GPBP1: variants seen among roughly 807,000 people sequenced by gnomAD.
The protein encoded by GPBP1 is vasculin.
A neutral mutation model predicts 56.5 loss-of-function variants in GPBP1; 13 were observed. That is an observed-to-expected ratio of 0.23 (90% confidence interval 0.15 to 0.37). GPBP1 has a LOEUF of 0.37. Ranked by LOEUF, GPBP1 falls within the 10% of genes least tolerant of loss-of-function variation. GPBP1 has a pLI of 1.00. For synonymous variants in GPBP1, 204 were observed against 188.9 expected, an observed-to-expected ratio of 1.08 and a Z score of -0.66; for missense variants, 477 against 572.3, an observed-to-expected ratio of 0.83 and a Z score of 1.70.
At chr5:57,251,244 C>A in intron 10 of GPBP1, 103 bp downstream of exon 10, 2 of 978,240 alleles carry the variant, frequency 2.0e-6, no homozygotes, top group South Asian at 1.7e-5. Flanking sequence ...ATACAACTTA[C>A]GCCATAAATT....
intron 2 of GPBP1, among the ~76,000 whole-genome samples, chr5:57,198,872 A>G (rs1205981328): frequency 6.6e-6 from 1 of 152,030 alleles, no homozygotes; most frequent in Non-Finnish European, 1.5e-5. Flanking sequence ...TTTGCTTCAC[A>G]TTTTGTTTTT....
intron 2 of GPBP1, among the ~76,000 whole-genome samples, chr5:57,204,505 G>A (rs1303382815): frequency 1.3e-5 from 2 of 152,138 alleles, no homozygotes; most frequent in African/African-American, 4.8e-5. Context: ...CCCGACCTGG[G>A]CCTCCCAAAG....
intron 10 of GPBP1, 121 bp from the exon 11 acceptor site, chr5:57,261,059 T>C (rs1741874881): frequency 3.6e-6 from 2 of 552,420 alleles, no homozygotes; most frequent in African/African-American, 1.9e-5. Context: ...ATCCTTTTGA[T>C]GTGTCTTGGG....
At chr5:57,255,384 A>G (rs1218661852) in intron 10 of GPBP1, among the ~76,000 whole-genome samples, 3 of 152,246 alleles carry the variant, frequency 2.0e-5, no homozygotes, top group Non-Finnish European at 4.4e-5. Flanking sequence ...GATGGCATAC[A>G]TATTTAAAAT....
intron 6 of GPBP1, chr5:57,245,927 G>A (rs1259998985): frequency 6.4e-6 from 1 of 156,724 alleles, no homozygotes; most frequent in African/African-American, 2.4e-5. Flanking sequence ...AATGGGGAAG[G>A]GAAAATAGAA....
At position 57,212,676 on chromosome 5, in the gene GPBP1, T is replaced by C. The variant is rs189657483; in HGVS notation, c.-57-1398T>C. Among the ~76,000 whole-genome samples the C allele has an allele frequency of 5.5e-4, 84 of 151,364 alleles. No individual in the cohort carries two copies. In the East Asian group the frequency reaches 0.014, roughly 25 times the overall value. On this transcript the variant is annotated intron_variant, in intron 2 of 11. Coordinates refer to ENST00000506184, the MANE Select transcript of GPBP1 (RefSeq NM_022913.4). The stretch of plus-strand genomic sequence containing the variant: ...TTCTTTTCTTTTTCTTTTTTTCTTT[T>C]TTTTTTTTTTGAGACGGAGTTTTGC...
chr5:57,253,412 A>G (rs553227038), intron 10 of GPBP1, among the ~76,000 whole-genome samples: 14 of 152,300 alleles, frequency 9.2e-5, no homozygotes, highest in South Asian at 6.2e-4. Context: ...ACTTTTTGCC[A>G]GTTCTAGAAC....
intron 6 of GPBP1, among the ~76,000 whole-genome samples, chr5:57,244,895 C>T (rs951992637): frequency 2.0e-5 from 3 of 151,870 alleles, no homozygotes; most frequent in African/African-American, 4.8e-5. Context: ...CAACACGCCC[C>T]GCTAATTCCT....
At chr5:57,193,509 G>A (rs1386336661) in intron 2 of GPBP1, among the ~76,000 whole-genome samples, 2 of 151,572 alleles carry the variant, frequency 1.3e-5, no homozygotes, top group East Asian at 1.9e-4. Context: ...ACCTGCTTGC[G>A]GGGCTGAGGT....
chr5:57,240,088 T>C (rs1297718426), intron 6 of GPBP1, among the ~76,000 whole-genome samples: 1 of 151,342 alleles, frequency 6.6e-6, no homozygotes, highest in Non-Finnish European at 1.5e-5. Context: ...TCTACAAAAA[T>C]AAAAAATAAA....
At chr5:57,197,866 A>G (rs1288099358) in intron 2 of GPBP1, among the ~76,000 whole-genome samples, 2 of 151,846 alleles carry the variant, frequency 1.3e-5, no homozygotes, top group African/African-American at 2.4e-5. Context: ...TTTGATGATT[A>G]TTAGTTCATA....
At chr5:57,184,586 C>T (rs944526197) in intron 2 of GPBP1, among the ~76,000 whole-genome samples, 7 of 152,112 alleles carry the variant, frequency 4.6e-5, no homozygotes, top group African/African-American at 1.7e-4. Context: ...AGGAGGGATC[C>T]GCTTGCACAG....
chr5:57,206,499 A>G (rs1264150288), intron 2 of GPBP1, among the ~76,000 whole-genome samples: 1 of 152,102 alleles, frequency 6.6e-6, no homozygotes, highest in Non-Finnish European at 1.5e-5. Flanking sequence ...CCTGGGTTCA[A>G]GCTATTGTCC....
rs778521391 is a variant in GPBP1, at chr5:57,230,809, G to A, written c.64-37G>A. On this transcript the variant is annotated intron_variant, in intron 3 of 11. Transcript: ENST00000506184. ...TACTAGTTTTTAAAGTTATATTTAG[G>A]TTTCATAAATACCTGTATTTTTATA... 5.8e-6 allele frequency: 9 copies of A among 1,550,648 alleles called. No homozygotes were observed. In the Admixed American group the frequency reaches 9.7e-5, roughly 17 times the overall value.
intron 10 of GPBP1, among the ~76,000 whole-genome samples, chr5:57,256,784 T>G (rs1272635471): frequency 2.6e-5 from 4 of 152,182 alleles, no homozygotes; most frequent in African/African-American, 9.6e-5. Context: ...TAGTTTGAGT[T>G]TCCTTGACTG....
chr5:57,175,086 G>A (rs979791362), intron 1 of GPBP1, among the ~76,000 whole-genome samples: 1 of 152,198 alleles, frequency 6.6e-6, no homozygotes, highest in Non-Finnish European at 1.5e-5. Flanking sequence ...CCATCGAAGA[G>A]GGTTGGAGAT....
intron 1 of GPBP1, among the ~76,000 whole-genome samples, chr5:57,174,470 T>G (rs1366897707): frequency 6.6e-6 from 1 of 151,828 alleles, no homozygotes; most frequent in Middle Eastern, 3.2e-3. Context: ...GCGGCTTGGT[T>G]GGGGGGTGTT....
chr5:57,214,053 C>T, intron 2 of GPBP1, 21 bp from the exon 3 acceptor site: 2 of 1,205,632 alleles, frequency 1.7e-6, no homozygotes, highest in Non-Finnish European at 2.5e-6. Context: ...AGGTCTAATT[C>T]CTTCCATTTT....
At chr5:57,206,594 G>A (rs756591006) in intron 2 of GPBP1, among the ~76,000 whole-genome samples, 7 of 152,014 alleles carry the variant, frequency 4.6e-5, no homozygotes, top group Non-Finnish European at 8.8e-5. Flanking sequence ...GGCTGGTCTC[G>A]GACTCCTGAC....
Sources: gnomAD v4.1 joint callset for allele counts (sites outside exome capture counted in the v4.1 genomes callset) on GRCh38, gnomAD v4.1.1 for gene constraint, MANE v1.5 for transcripts, NCBI Gene and HGNC (gene_info 2026-07-23, HGNC 2026-07-21) for gene names.